Variants in RETREG1 observed in about 807,000 individuals in gnomAD.
The protein encoded by RETREG1 is reticulophagy regulator 1, also known as family with sequence similarity 134 member B.
In RETREG1, 44 loss-of-function variants were observed where a neutral mutation model predicts 54.8. That is an observed-to-expected ratio of 0.80 (90% confidence interval 0.63 to 1.03). The LOEUF is 1.03. Ranked by LOEUF, RETREG1 falls within the 50% of genes least tolerant of loss-of-function variation. The probability of loss-of-function intolerance (pLI) is 0.00; values close to 1 mark genes in which losing one functional copy is unlikely to be tolerated. For missense variants in RETREG1, 554 were observed against 605.1 expected (o/e 0.92, Z 0.89); for synonymous variants, 217 against 238.5 (o/e 0.91, Z 0.83).
intron 1 of RETREG1, among the ~76,000 whole-genome samples, chr5:16,606,137 G>C (rs1167021048): frequency 6.6e-6 from 1 of 152,100 alleles, no homozygotes. Context: ...GGAAGAGAGT[G>C]TCCTCCCCTT....
chr5:16,523,234 G>T (rs1740593375), intron 3 of RETREG1, among the ~76,000 whole-genome samples: 1 of 152,134 alleles, frequency 6.6e-6, no homozygotes, highest in Non-Finnish European at 1.5e-5. Flanking sequence ...CTTGTACTTT[G>T]CTAGGTTTTT....
intron 2 of RETREG1, among the ~76,000 whole-genome samples, chr5:16,567,469 C>CA (rs965072893): frequency 6.6e-6 from 1 of 152,232 alleles, no homozygotes; most frequent in Non-Finnish European, 1.5e-5. Flanking sequence ...TCATGGGCCA[C>CA]AATCCCTACT....
intron 3 of RETREG1, among the ~76,000 whole-genome samples, chr5:16,540,994 T>C (rs1425354876): frequency 6.6e-6 from 1 of 152,204 alleles, no homozygotes; most frequent in South Asian, 2.1e-4. Context: ...ACCATCACTA[T>C]GCTTGAGATT....
intron 1 of RETREG1, 129 bp from the exon 2 acceptor site, chr5:16,572,231 GAGAC>G: frequency 1.8e-6 from 1 of 546,090 alleles, no homozygotes; most frequent in Non-Finnish European, 3.2e-6. Context: ...TTTTTTTTTT[GAGAC>G]AGAGTCTCGC....
intron 3 of RETREG1, among the ~76,000 whole-genome samples, chr5:16,522,231 G>T (rs572769131): frequency 6.6e-4 from 101 of 152,152 alleles, no homozygotes; most frequent in Non-Finnish European, 1.3e-3. Context: ...AAAAAAAAAG[G>T]CCTTGATTTA....
intron 1 of RETREG1, among the ~76,000 whole-genome samples, chr5:16,590,823 AACACAC>A (rs1316295657): frequency 6.9e-6 from 1 of 144,730 alleles, no homozygotes; most frequent in African/African-American, 2.6e-5. Flanking sequence ...CAGACATGCA[AACACAC>A]ACATGCAAAC....
chr5:16,591,804 C>T (rs1164369957), intron 1 of RETREG1, among the ~76,000 whole-genome samples: 5 of 152,156 alleles, frequency 3.3e-5, no homozygotes, highest in Non-Finnish European at 5.9e-5. Flanking sequence ...ATTTACTCTC[C>T]AAACAAGAAA....
chr5:16,474,506 G>T lies in RETREG1; in HGVS notation c.*235C>A, dbSNP rs144074026. The T allele has an allele frequency of 1.9e-3, 1,029 of 542,486 alleles. 7 individuals are homozygous for T. The highest frequency in any genetic ancestry group is 0.017 in the African/African-American group (903 of 52,398). The allele number at this position is 542,486 out of a possible 1,614,324, so 33.6% of individuals were successfully genotyped here. A position where few individuals can be genotyped will look rare whatever the true frequency, so the allele number is the denominator to read the frequency against. ...AATATTTATCTCTGACAACACAGTG[G>T]TGTGTATAAAGTTCATTTCCATGCT... On this transcript the variant is annotated 3_prime_UTR_variant, in exon 9 of 9. Transcript: ENST00000306320.
chr5:16,540,263 G>C (rs1741202861), intron 3 of RETREG1, among the ~76,000 whole-genome samples: 1 of 152,216 alleles, frequency 6.6e-6, no homozygotes, highest in Non-Finnish European at 1.5e-5. Flanking sequence ...TATTGATGCA[G>C]TTGAAGGACT....
At chr5:16,600,512 T>G (rs1743024527) in intron 1 of RETREG1, among the ~76,000 whole-genome samples, 1 of 152,204 alleles carries the variant, frequency 6.6e-6, no homozygotes, top group African/African-American at 2.4e-5. Flanking sequence ...GCCAGGCACA[T>G]TCTGATGGGG....
chr5:16,589,229 A>G (rs1742694271), intron 1 of RETREG1, among the ~76,000 whole-genome samples: 1 of 152,094 alleles, frequency 6.6e-6, no homozygotes, highest in South Asian at 2.1e-4. Context: ...AAGGGGCAAA[A>G]CAGTGTTGAC....
Position 16,550,908 on chromosome 5 carries a change from GA to G in RETREG1, c.458+14854del, listed in dbSNP as rs1031424688. On this transcript the variant is annotated intron_variant, in intron 3 of 8. Coordinates refer to ENST00000306320, the MANE Select transcript of RETREG1 (RefSeq NM_001034850.3). ...ATATCCAGAATAGGGCAAATCCATA[GA>G]GGGGGAAGCAGTGGTTGTCAGGAGC... 1.8e-4 allele frequency among the ~76,000 whole-genome samples: 27 copies of G among 152,168 alleles called. 1 individual carries two copies. Among genetic ancestry groups the G allele is most frequent in the South Asian group, 2.1e-4 (1 of 4,818 alleles).
intron 1 of RETREG1, among the ~76,000 whole-genome samples, chr5:16,615,671 C>T (rs1743484510): frequency 6.6e-6 from 1 of 152,118 alleles, no homozygotes; most frequent in African/African-American, 2.4e-5. Flanking sequence ...TAAGAGAAAA[C>T]ACCAGGACTA....
Position 16,616,529 on chromosome 5 carries a change from G to A in RETREG1, c.320+123C>T, listed in dbSNP as rs1287341804. 1.0e-5 allele frequency: 15 copies of A among 1,463,792 alleles called. No homozygotes were observed. In the South Asian group the frequency reaches 1.4e-4, roughly 14 times the overall value. The allele number at this position is 1,463,792 out of a possible 1,614,324, so 90.7% of individuals were successfully genotyped here. ...CGAGACAGGTGGCCGAGAAAGTGGG[G>A]CAGGGCTGACAATTCTTCCTCCGCA... On this transcript the variant is annotated intron_variant, in intron 1 of 8. Transcript: ENST00000306320.
intron 3 of RETREG1, among the ~76,000 whole-genome samples, chr5:16,528,502 C>T (rs777483633): frequency 1.7e-4 from 26 of 152,056 alleles, no homozygotes; most frequent in Non-Finnish European, 3.5e-4. Flanking sequence ...CTCTGGATGA[C>T]ATGGAGGCCA....
intron 1 of RETREG1, among the ~76,000 whole-genome samples, chr5:16,604,657 C>T (rs1385296621): frequency 6.6e-6 from 1 of 152,096 alleles, no homozygotes; most frequent in African/African-American, 2.4e-5. Flanking sequence ...GCCAGCCTCC[C>T]GTGGGTGGCT....
chr5:16,569,514 C>A (rs1387482760), intron 2 of RETREG1, among the ~76,000 whole-genome samples: 2 of 152,086 alleles, frequency 1.3e-5, no homozygotes, highest in Non-Finnish European at 2.9e-5. Context: ...AACACACAAA[C>A]CCCATGTGGC....
intron 1 of RETREG1, 197 bp downstream of exon 1, chr5:16,616,455 T>A: frequency 9.8e-7 from 1 of 1,019,142 alleles, no homozygotes; most frequent in Non-Finnish European, 1.4e-6. Flanking sequence ...CGACAACTGC[T>A]CACAGGGACG....
intron 1 of RETREG1, among the ~76,000 whole-genome samples, chr5:16,604,973 G>T (rs1253908205): frequency 6.6e-6 from 1 of 152,096 alleles, no homozygotes; most frequent in African/African-American, 2.4e-5. Flanking sequence ...TAGTATAGGG[G>T]TGACTACAAT....
Sources: gnomAD v4.1 joint callset for allele counts (sites outside exome capture counted in the v4.1 genomes callset) on GRCh38, gnomAD v4.1.1 for gene constraint, MANE v1.5 for transcripts, NCBI Gene and HGNC (gene_info 2026-07-23, HGNC 2026-07-21) for gene names.